RSRC1: variants seen among roughly 807,000 people sequenced by gnomAD.
The protein encoded by RSRC1 is arginine and serine rich coiled-coil 1, also known as serine/Arginine-related protein 53.
In RSRC1, 39 loss-of-function variants were observed where a neutral mutation model predicts 49.1. That is an observed-to-expected ratio of 0.79 (90% CI 0.61 to 1.04). The LOEUF (loss-of-function observed/expected upper bound fraction) is 1.04. Among genes scored for constraint, RSRC1 ranks in the 50% least tolerant of loss-of-function variants. The probability of loss-of-function intolerance (pLI) is 0.00; values close to 1 mark genes in which losing one functional copy is unlikely to be tolerated. For synonymous variants in RSRC1, 143 were observed against 130.8 expected, an observed-to-expected ratio of 1.09 and a Z score of -0.63; for missense variants, 388 against 402.4, an observed-to-expected ratio of 0.96 and a Z score of 0.31.
At chr3:158,509,704 A>G (rs1056032920) in intron 7 of RSRC1, among the ~76,000 whole-genome samples, 3 of 152,174 alleles carry the variant, frequency 2.0e-5, no homozygotes, top group South Asian at 2.1e-4. Flanking sequence ...ATAAATTTTT[A>G]TGACTTGCTT....
chr3:158,149,290 G>C (rs1717365287), intron 3 of RSRC1, among the ~76,000 whole-genome samples: 2 of 152,022 alleles, frequency 1.3e-5, no homozygotes. Context: ...CATTTTCTCA[G>C]TATATCCCAC....
At chr3:158,517,976 G>A (rs1740667752) in intron 7 of RSRC1, among the ~76,000 whole-genome samples, 1 of 148,318 alleles carries the variant, frequency 6.7e-6, no homozygotes, top group Non-Finnish European at 1.5e-5. Flanking sequence ...TATCTTCTGT[G>A]TTAAACTAAA....
At chr3:158,419,856 A>C (rs1435190664) in intron 6 of RSRC1, among the ~76,000 whole-genome samples, 1 of 151,734 alleles carries the variant, frequency 6.6e-6, no homozygotes, top group Non-Finnish European at 1.5e-5. Flanking sequence ...CAACACACTC[A>C]AAGTACAGCA....
At chr3:158,153,137 T>G (rs1436750468) in intron 3 of RSRC1, among the ~76,000 whole-genome samples, 2 of 152,178 alleles carry the variant, frequency 1.3e-5, no homozygotes, top group African/African-American at 4.8e-5. Context: ...CCTTCTGTAT[T>G]TGTATTGACT....
At chr3:158,268,637 C>A (rs1422122115) in intron 4 of RSRC1, among the ~76,000 whole-genome samples, 2 of 152,090 alleles carry the variant, frequency 1.3e-5, no homozygotes, top group Non-Finnish European at 2.9e-5. Flanking sequence ...CTATTTGTGG[C>A]GGCTTTTTGG....
intron 7 of RSRC1, among the ~76,000 whole-genome samples, chr3:158,483,077 A>T (rs780021947): frequency 6.6e-6 from 1 of 151,986 alleles, no homozygotes; most frequent in Non-Finnish European, 1.5e-5. Context: ...TTTAATTATC[A>T]TACTCCCAGT....
rs1339247343 is a variant in RSRC1, at chr3:158,543,321, G to C, written c.760-14G>C. 6.6e-7 allele frequency: 1 copy of C among 1,523,850 alleles called. No individual in the cohort carries two copies. The highest frequency in any genetic ancestry group is 2.4e-5 in the East Asian group (1 of 41,414). 94.4% of individuals were successfully genotyped at this position (1,523,850 alleles called of 1,614,324 possible). On this transcript the variant is annotated splice_polypyrimidine_tract_variant and intron_variant, in intron 8 of 9. Transcript: ENST00000611884. ...GTGTATTGTGTTGAAATTAATATGT[G>C]TTGTTTCTTTCAGTCAGTGGAACCT...
intron 5 of RSRC1, among the ~76,000 whole-genome samples, chr3:158,329,058 T>C (rs1431779301): frequency 6.6e-6 from 1 of 152,236 alleles, no homozygotes; most frequent in African/African-American, 2.4e-5. Flanking sequence ...ATTTGTCACA[T>C]AGTTCTTGTG....
intron 5 of RSRC1, among the ~76,000 whole-genome samples, chr3:158,340,182 A>T (rs1730148843): frequency 6.6e-6 from 1 of 152,142 alleles, no homozygotes; most frequent in African/African-American, 2.4e-5. Flanking sequence ...CGTGATAGTG[A>T]ATAAGTCTCA....
At chr3:158,129,077 A>G (rs1715819223) in intron 3 of RSRC1, among the ~76,000 whole-genome samples, 1 of 152,136 alleles carries the variant, frequency 6.6e-6, no homozygotes, top group Non-Finnish European at 1.5e-5. Flanking sequence ...GTTGATAGAT[A>G]TCTTGGGAGA....
At chr3:158,400,586 C>T (rs953697532) in intron 6 of RSRC1, among the ~76,000 whole-genome samples, 1 of 151,998 alleles carries the variant, frequency 6.6e-6, no homozygotes, top group African/African-American at 2.4e-5. Flanking sequence ...ATGATCTTGA[C>T]ACTGTGTAGG....
intron 6 of RSRC1, among the ~76,000 whole-genome samples, chr3:158,414,409 G>A (rs1734631748): frequency 6.6e-6 from 1 of 152,042 alleles, no homozygotes; most frequent in Admixed American, 6.6e-5. Flanking sequence ...GGGGGTCAGG[G>A]AGAAGGAGAA....
intron 7 of RSRC1, among the ~76,000 whole-genome samples, chr3:158,524,223 C>A (rs1423124672): frequency 1.3e-5 from 2 of 152,012 alleles, no homozygotes; most frequent in Non-Finnish European, 2.9e-5. Flanking sequence ...TAAGCTAAAC[C>A]AATTGAATTG....
intron 3 of RSRC1, among the ~76,000 whole-genome samples, chr3:158,196,941 G>A (rs980769142): frequency 1.3e-5 from 2 of 152,138 alleles, no homozygotes; most frequent in Admixed American, 6.6e-5. Flanking sequence ...ATGTTCATCA[G>A]GGATATTGGT....
chr3:158,343,740 G>A (rs1036698800), intron 5 of RSRC1, among the ~76,000 whole-genome samples: 7 of 151,938 alleles, frequency 4.6e-5, no homozygotes, highest in African/African-American at 1.7e-4. Context: ...TAGTGAGCTC[G>A]AAGACATAGC....
chr3:158,192,068 A>G (rs767312282), intron 3 of RSRC1, among the ~76,000 whole-genome samples: 5 of 151,742 alleles, frequency 3.3e-5, no homozygotes, highest in Non-Finnish European at 5.9e-5. Context: ...TATTTTTTTC[A>G]CACGTATTTT....
At chr3:158,163,972 A>G (rs868147658) in intron 3 of RSRC1, among the ~76,000 whole-genome samples, 2 of 152,152 alleles carry the variant, frequency 1.3e-5, no homozygotes, top group East Asian at 1.9e-4. Flanking sequence ...CTGTACTTCT[A>G]ACAAATTTTA....
At chr3:158,423,420 T>C (rs1735197165) in intron 6 of RSRC1, among the ~76,000 whole-genome samples, 1 of 152,150 alleles carries the variant, frequency 6.6e-6, no homozygotes, top group African/African-American at 2.4e-5. Flanking sequence ...GGCTCTGTTC[T>C]GTTCCATTGA....
chr3:158,232,076 T>A (rs1722998286), intron 4 of RSRC1, among the ~76,000 whole-genome samples: 1 of 152,122 alleles, frequency 6.6e-6, no homozygotes, highest in African/African-American at 2.4e-5. Context: ...GCACTGATGA[T>A]TTATCTCTAT....
Sources: allele counts gnomAD v4.1 joint callset (sites outside exome capture counted in the v4.1 genomes callset), GRCh38; gene constraint gnomAD v4.1.1; transcripts MANE v1.5; gene names NCBI Gene and HGNC (gene_info 2026-07-23, HGNC 2026-07-21).